Variants in KCNT2 observed in about 807,000 individuals in gnomAD.
KCNT2 encodes potassium sodium-activated channel subfamily T member 2.
In KCNT2, 67 loss-of-function variants were observed where a neutral mutation model predicts 153.8. The ratio of observed to expected loss-of-function variants is 0.44; its 90% confidence interval spans 0.36 to 0.53. The LOEUF (loss-of-function observed/expected upper bound fraction) is 0.53. KCNT2 is among the 20% of genes least tolerant of loss of function. The pLI, the probability that KCNT2 is intolerant of heterozygous loss-of-function variation, is 0.00. For synonymous variants in KCNT2, 500 were observed against 458.8 expected (o/e 1.09, Z -1.15); for missense variants, 975 against 1,354.8 (o/e 0.72, Z 4.40).
At chr1:196,537,862 C>T (rs547726344) in intron 1 of KCNT2, among the ~76,000 whole-genome samples, 9 of 152,292 alleles carry the variant, frequency 5.9e-5, no homozygotes, top group Admixed American at 1.3e-4. Flanking sequence ...GGGGAGCCTG[C>T]AATTGGAGCA....
intron 1 of KCNT2, among the ~76,000 whole-genome samples, chr1:196,495,272 T>C (rs1331946541): frequency 2.0e-5 from 3 of 152,046 alleles, no homozygotes; most frequent in Non-Finnish European, 4.4e-5. Flanking sequence ...CTTTTTTTTT[T>C]TTAATTTGAT....
chr1:196,322,758 C>T (rs553318996), intron 19 of KCNT2, among the ~76,000 whole-genome samples: 6 of 152,000 alleles, frequency 3.9e-5, no homozygotes, highest in Admixed American at 2.0e-4. Context: ...ATGAGCATAG[C>T]ATGCTTTTAT....
At position 196,289,908 on chromosome 1, in the gene KCNT2, G is replaced by C. The variant is rs142530070; in HGVS notation, c.2596-4150C>G. 3.0e-3 allele frequency among the ~76,000 whole-genome samples: 463 copies of C among 151,928 alleles called. 1 individual carries two copies. Among genetic ancestry groups the C allele is most frequent in the Non-Finnish European group, 3.8e-3 (260 of 67,898 alleles). On this transcript the variant is annotated intron_variant, in intron 22 of 27. Transcript: ENST00000294725. ...GACATTTAAATCATTAAAGATTTCA[G>C]ACACTTTTAAATGTTTGGTCTTACC...
chr1:196,306,581 A>G (rs1037624374), intron 21 of KCNT2, among the ~76,000 whole-genome samples: 1 of 151,966 alleles, frequency 6.6e-6, no homozygotes, highest in African/African-American at 2.4e-5. Context: ...TGCCCACCCT[A>G]CTGCTCTGCA....
At chr1:196,370,568 G>A (rs1182029104) in intron 14 of KCNT2, among the ~76,000 whole-genome samples, 4 of 151,790 alleles carry the variant, frequency 2.6e-5, no homozygotes, top group Admixed American at 6.6e-5. Context: ...GGATAATTAC[G>A]AATACTGCTG....
At chr1:196,239,807 G>T (rs1654784234) in intron 26 of KCNT2, among the ~76,000 whole-genome samples, 1 of 151,952 alleles carries the variant, frequency 6.6e-6, no homozygotes, top group South Asian at 2.1e-4. Context: ...TGTATTTGGA[G>T]ATAGAGCCTC....
chr1:196,370,579 A>G lies in KCNT2; in HGVS notation c.1403+2561T>C, dbSNP rs550263981. ...GCGCGGATAATTACGAATACTGCTG[A>G]TGATGTAAAGAAAGTAGCATCCTGA... On this transcript the variant is annotated intron_variant, in intron 14 of 27. Transcript: ENST00000294725. 3.0e-4 allele frequency among the ~76,000 whole-genome samples: 46 copies of G among 152,196 alleles called. No homozygotes were observed. In the South Asian group the frequency reaches 9.5e-3, roughly 32 times the overall value.
chr1:196,371,868 T>G (rs1668567870), intron 14 of KCNT2, among the ~76,000 whole-genome samples: 1 of 152,132 alleles, frequency 6.6e-6, no homozygotes, highest in Admixed American at 6.6e-5. Flanking sequence ...ATTTTATCAC[T>G]CATGTATACA....
chr1:196,412,873 G>C (rs755760988), intron 12 of KCNT2, among the ~76,000 whole-genome samples: 17 of 151,622 alleles, frequency 1.1e-4, no homozygotes, highest in Admixed American at 3.3e-4. Context: ...AGAACAAAAG[G>C]TAAATAGTAT....
chr1:196,233,086 A>G (rs1238272442), intron 27 of KCNT2, among the ~76,000 whole-genome samples: 1 of 151,430 alleles, frequency 6.6e-6, no homozygotes, highest in Non-Finnish European at 1.5e-5. Flanking sequence ...GCTTTATTTT[A>G]TTATCATAAT....
intron 22 of KCNT2, among the ~76,000 whole-genome samples, chr1:196,304,953 T>C (rs965089496): frequency 2.0e-5 from 3 of 152,154 alleles, no homozygotes; most frequent in Non-Finnish European, 2.9e-5. Context: ...TAAGTGAGTA[T>C]ACACATTTCT....
intron 3 of KCNT2, among the ~76,000 whole-genome samples, chr1:196,483,483 C>T (rs916166818): frequency 6.6e-6 from 1 of 152,140 alleles, no homozygotes; most frequent in Non-Finnish European, 1.5e-5. Flanking sequence ...ACCCTATTCC[C>T]TATTGTGTAT....
At chr1:196,422,327 C>T (rs894641898) in intron 12 of KCNT2, among the ~76,000 whole-genome samples, 21 of 151,848 alleles carry the variant, frequency 1.4e-4, no homozygotes, top group Admixed American at 2.6e-4. Flanking sequence ...TAGAAACCAC[C>T]AATTGTTCTC....
rs536759087 is a variant in KCNT2, at chr1:196,341,905, T to C, written c.1553+174A>G. The stretch of plus-strand genomic sequence containing the variant: ...TTATAATTTACTCCTGACTGTCTTA[T>C]AGAGACCATACAGACACCAGGGTTC... On this transcript the variant is annotated intron_variant, in intron 15 of 27. Transcript: ENST00000294725. 3.3e-5 allele frequency among the ~76,000 whole-genome samples: 5 copies of C among 152,282 alleles called. No homozygotes were observed. The East Asian group carries it at 5.8e-4, about 18-fold the overall frequency.
At chr1:196,532,671 A>G (rs893757097) in intron 1 of KCNT2, among the ~76,000 whole-genome samples, 2 of 152,032 alleles carry the variant, frequency 1.3e-5, no homozygotes, top group Non-Finnish European at 2.9e-5. Context: ...AATGAACTCT[A>G]GCGTGTTTAA....
intron 14 of KCNT2, among the ~76,000 whole-genome samples, chr1:196,367,053 C>A (rs866529270): frequency 1.3e-5 from 2 of 152,122 alleles, no homozygotes; most frequent in Non-Finnish European, 2.9e-5. Context: ...ATTTGCAACA[C>A]GCCTACTACA....
At chr1:196,406,932 C>A (rs1671880885) in intron 12 of KCNT2, among the ~76,000 whole-genome samples, 1 of 151,400 alleles carries the variant, frequency 6.6e-6, no homozygotes, top group Non-Finnish European at 1.5e-5. Flanking sequence ...TGGGACTGAG[C>A]AGCAAGTCAA....
chr1:196,464,825 C>T (rs1335388460), intron 8 of KCNT2, among the ~76,000 whole-genome samples: 1 of 151,988 alleles, frequency 6.6e-6, no homozygotes, highest in East Asian at 1.9e-4. Flanking sequence ...TTGCCTTGCA[C>T]TGTCCATAAA....
At chr1:196,453,480 T>A (rs1354627062) in intron 8 of KCNT2, among the ~76,000 whole-genome samples, 1 of 151,988 alleles carries the variant, frequency 6.6e-6, no homozygotes, top group East Asian at 1.9e-4. Flanking sequence ...TTTTGTTCCT[T>A]GAGTACTTCT....
Sources: allele counts gnomAD v4.1 joint callset (sites outside exome capture counted in the v4.1 genomes callset), GRCh38; gene constraint gnomAD v4.1.1; transcripts MANE v1.5; gene names NCBI Gene and HGNC (gene_info 2026-07-23, HGNC 2026-07-21).